The following ZNF385C variants were observed in gnomAD, a reference collection of about 807,000 sequenced individuals.
ZNF385C encodes the protein zinc finger protein 385C.
Under a neutral mutation model 35.4 loss-of-function variants are expected in ZNF385C, and 28 were observed. The observed-to-expected ratio is 0.79, with a 90% CI of 0.59 to 1.08. The LOEUF is 1.08. ZNF385C is among the 50% of genes least tolerant of loss of function. The probability of loss-of-function intolerance (pLI) is 0.00; values close to 1 mark genes in which losing one functional copy is unlikely to be tolerated. For missense variants in ZNF385C, 605 were observed against 595.6 expected (o/e 1.02, Z -0.16); for synonymous variants, 248 against 248.2 (o/e 1.00, Z 0.01).
At chr17:42,040,134 C>T in intron 2 of ZNF385C, 1 of 1,231,452 alleles carries the variant, frequency 8.1e-7, no homozygotes, top group Non-Finnish European at 1.0e-6. Context: ...CATGCGTGCC[C>T]AGCTCCTCCG....
intron 2 of ZNF385C, chr17:42,040,167 G>A: frequency 2.4e-6 from 3 of 1,231,598 alleles, no homozygotes; most frequent in Non-Finnish European, 3.0e-6. Flanking sequence ...AGCGTCGGGG[G>A]TCGAAGATCG....
intron 2 of ZNF385C, among the ~76,000 whole-genome samples, chr17:42,047,977 G>T (rs1327447390): frequency 6.6e-6 from 1 of 152,036 alleles, no homozygotes; most frequent in Non-Finnish European, 1.5e-5. Context: ...GTGGCACTTG[G>T]TGATGCTCAC....
chr17:42,030,348 C>T (rs1249013531), intron 5 of ZNF385C, among the ~76,000 whole-genome samples: 2 of 152,038 alleles, frequency 1.3e-5, no homozygotes, highest in South Asian at 2.1e-4. Flanking sequence ...ATTAGCTGGA[C>T]GTGGTGGCAG....
chr17:42,074,770 G>A lies in ZNF385C; in HGVS notation c.-2-11712C>T, dbSNP rs111786107. 2.8e-3 allele frequency among the ~76,000 whole-genome samples: 431 copies of A among 152,310 alleles called. 5 individuals carry two copies. Among genetic ancestry groups the A allele is most frequent in the African/African-American group, 9.8e-3 (408 of 41,568 alleles). ...TGTACCTCACTATCCCACAGCACAC[G>A]CATCCTCTAACTTAATCCGGTCACA... On this transcript the variant is annotated intron_variant, in intron 1 of 8. Transcript: ENST00000692273.
At chr17:42,027,887 G>T (rs1237241989) in intron 7 of ZNF385C, 159 bp from the exon 8 acceptor site, 2 of 1,200,502 alleles carry the variant, frequency 1.7e-6, no homozygotes, top group Non-Finnish European at 2.4e-6. Flanking sequence ...GGGGAGGTGA[G>T]TCTTGGCCTT....
intron 1 of ZNF385C, among the ~76,000 whole-genome samples, chr17:42,094,133 G>A (rs782556429): frequency 3.2e-4 from 48 of 151,902 alleles, no homozygotes; most frequent in Non-Finnish European, 5.7e-4. Context: ...ACAGGCATGC[G>A]CCACCGCGCC....
At chr17:42,058,838 G>A (rs1484412655) in intron 2 of ZNF385C, among the ~76,000 whole-genome samples, 1 of 152,178 alleles carries the variant, frequency 6.6e-6, no homozygotes, top group Non-Finnish European at 1.5e-5. Flanking sequence ...TGTGTTTTTA[G>A]TAGAGATGGG....
At chr17:42,057,503 C>T (rs142661433) in intron 2 of ZNF385C, among the ~76,000 whole-genome samples, 107,910 of 141,624 alleles carry the variant, frequency 0.76, 41,562 homozygotes, top group South Asian at 0.85. Context: ...GGTGTGCGCG[C>T]GCGCGCGCGC....
chr17:42,057,831 T>G (rs1240353350), intron 2 of ZNF385C, among the ~76,000 whole-genome samples: 1 of 151,950 alleles, frequency 6.6e-6, no homozygotes, highest in Non-Finnish European at 1.5e-5. Flanking sequence ...TAATCCCAGC[T>G]ACTAGAGAGG....
intron 1 of ZNF385C, among the ~76,000 whole-genome samples, chr17:42,090,262 A>G (rs1459638368): frequency 9.8e-6 from 1 of 102,218 alleles, no homozygotes; most frequent in Non-Finnish European, 2.1e-5. Flanking sequence ...CTTCCTTCCC[A>G]TTTCCTCTTA....
chr17:42,045,208 C>G (rs879965136), intron 2 of ZNF385C, among the ~76,000 whole-genome samples: 3 of 152,132 alleles, frequency 2.0e-5, no homozygotes, highest in Non-Finnish European at 4.4e-5. Flanking sequence ...TGAGCCACCG[C>G]GCCCAGCCAA....
intron 1 of ZNF385C, among the ~76,000 whole-genome samples, chr17:42,096,230 C>T (rs1555660953): frequency 1.3e-5 from 2 of 152,212 alleles, no homozygotes; most frequent in African/African-American, 4.8e-5. Flanking sequence ...TAGGGGTGCA[C>T]ACACTATTGG....
In ZNF385C at chr17:42,026,674, A is replaced by G; in HGVS notation, c.*223T>C. 1.7e-6 allele frequency: 1 copy of G among 592,606 alleles called. No homozygotes were observed. Among genetic ancestry groups the G allele is most frequent in the Non-Finnish European group, 3.0e-6 (1 of 332,670 alleles). 36.7% of individuals were successfully genotyped at this position (592,606 alleles called of 1,614,324 possible). On this transcript the variant is annotated 3_prime_UTR_variant, in exon 9 of 9. Coordinates refer to ENST00000692273, the MANE Select transcript of ZNF385C (RefSeq NM_001392013.1). Reference sequence around the variant, plus strand: ...ATCTTTGGGGTCTGTCAGGGTGGGAAATGCAGGCAAGCCTAGGATTAACCC... The same window carrying G: ...ATCTTTGGGGTCTGTCAGGGTGGGAGATGCAGGCAAGCCTAGGATTAACCC...
chr17:42,042,606 G>T (rs1037198681), intron 2 of ZNF385C, among the ~76,000 whole-genome samples: 1 of 152,304 alleles, frequency 6.6e-6, no homozygotes, highest in South Asian at 2.1e-4. Flanking sequence ...GCAGTGAGAA[G>T]AGTGCCCCTG....
chr17:42,036,755 G>A (rs1222304118), intron 3 of ZNF385C, among the ~76,000 whole-genome samples: 1 of 152,034 alleles, frequency 6.6e-6, no homozygotes, highest in African/African-American at 2.4e-5. Context: ...TCAACAGTGA[G>A]CCTGTCAGCA....
intron 1 of ZNF385C, among the ~76,000 whole-genome samples, chr17:42,089,299 G>A (rs2053841028): frequency 6.6e-6 from 1 of 151,962 alleles, no homozygotes; most frequent in South Asian, 2.1e-4. Flanking sequence ...CTAGGGGACA[G>A]AATAAGACCC....
intron 1 of ZNF385C, among the ~76,000 whole-genome samples, chr17:42,092,082 T>C (rs1433571147): frequency 6.6e-5 from 10 of 152,200 alleles, no homozygotes; most frequent in Non-Finnish European, 1.0e-4. Flanking sequence ...CTTTGCTCTC[T>C]GAGCTTTCAT....
intron 2 of ZNF385C, chr17:42,040,064 CCCGCTGGCGCA>C: frequency 8.1e-7 from 1 of 1,231,206 alleles, no homozygotes; most frequent in East Asian, 3.2e-5. Flanking sequence ...TCGCCCAGCG[CCCGCTGGCGCA>C]CCACGGCAGG....
chr17:42,094,140 C>T (rs186639148), intron 1 of ZNF385C, among the ~76,000 whole-genome samples: 47 of 152,136 alleles, frequency 3.1e-4, no homozygotes, highest in Non-Finnish European at 5.1e-4. Context: ...TGCGCCACCG[C>T]GCCCAGCTAA....
Sources: allele counts gnomAD v4.1 joint callset (sites outside exome capture counted in the v4.1 genomes callset), GRCh38; gene constraint gnomAD v4.1.1; transcripts MANE v1.5; gene names NCBI Gene and HGNC (gene_info 2026-07-23, HGNC 2026-07-21).